The following RRM1 variants were observed in gnomAD, a reference collection of about 807,000 sequenced individuals.
The protein encoded by RRM1 is ribonucleoside-diphosphate reductase large subunit.
In RRM1, 19 loss-of-function variants were observed where a neutral mutation model predicts 101.5. The observed-to-expected ratio is 0.19, with a 90% CI of 0.13 to 0.27. RRM1 has a LOEUF of 0.27. RRM1 is among the 10% of genes least tolerant of loss of function. RRM1 has a pLI of 1.00. For missense variants in RRM1, 500 were observed against 962.9 expected (o/e 0.52, Z 6.36); for synonymous variants, 298 against 323.4 (o/e 0.92, Z 0.84).
chr11:4,136,858 G>A (rs2094611324), intron 18 of RRM1, among the ~76,000 whole-genome samples: 1 of 151,756 alleles, frequency 6.6e-6, no homozygotes, highest in South Asian at 2.1e-4. Context: ...TAGAGGGAGG[G>A]TCAGCAGATA....
intron 1 of RRM1, among the ~76,000 whole-genome samples, chr11:4,100,883 G>A (rs1168695223): frequency 6.6e-6 from 1 of 152,198 alleles, no homozygotes; most frequent in Non-Finnish European, 1.5e-5. Flanking sequence ...CTAAGGTTAA[G>A]GCTGTTTGGT....
chr11:4,104,179 C>T (rs1156353700), intron 2 of RRM1, among the ~76,000 whole-genome samples: 1 of 152,132 alleles, frequency 6.6e-6, no homozygotes, highest in Non-Finnish European at 1.5e-5. Context: ...GTATTTTATT[C>T]TGAGTTCTAA....
chr11:4,101,568 C>CCCCCG (rs1554973359), intron 1 of RRM1, among the ~76,000 whole-genome samples: 1 of 137,982 alleles, frequency 7.2e-6, no homozygotes, highest in African/African-American at 2.8e-5. Flanking sequence ...CACCCCCCCC[C>CCCCCG]GCTCCCTTGG....
At chr11:4,107,309 G>A (rs750701136) in intron 3 of RRM1, 126 bp from the exon 4 acceptor site, 15 of 645,690 alleles carry the variant, frequency 2.3e-5, no homozygotes, top group Non-Finnish European at 3.3e-5. Context: ...CACTTTATAT[G>A]CTAGGCATTG....
intron 5 of RRM1, 54 bp downstream of exon 5, chr11:4,109,757 G>T: frequency 7.0e-7 from 1 of 1,431,818 alleles, no homozygotes; most frequent in Non-Finnish European, 9.7e-7. Flanking sequence ...ATGAAATAAA[G>T]GATTTTGTTT....
chr11:4,101,701 A>T, intron 1 of RRM1, among the ~76,000 whole-genome samples: 1 of 152,126 alleles, frequency 6.6e-6, no homozygotes, highest in East Asian at 1.9e-4. Flanking sequence ...GGAGGTAATG[A>T]TATGATTCTG....
chr11:4,122,743 C>G (rs780091076), intron 11 of RRM1, among the ~76,000 whole-genome samples: 3 of 151,896 alleles, frequency 2.0e-5, no homozygotes. Context: ...CGTGGTGGTG[C>G]ACACCTGTAG....
intron 1 of RRM1, among the ~76,000 whole-genome samples, chr11:4,096,813 T>C (rs754600389): frequency 3.1e-4 from 47 of 152,092 alleles, no homozygotes; most frequent in Admixed American, 1.6e-3. Flanking sequence ...CTTGAGCATC[T>C]ATTTTTTAAA....
Position 4,138,208 on chromosome 11 carries a change from G to C in RRM1, c.2204G>C (p.Gly735Ala). 1.3e-6 allele frequency: 2 copies of C among 1,570,024 alleles called. No individual in the cohort carries two copies. Among genetic ancestry groups the C allele is most frequent in the Non-Finnish European group, 8.7e-7 (1 of 1,145,022 alleles). ...CTTTCCTTGTAGGGTTTGAAGACTG[G>C]GATGTATTATTTAAGGACAAGACCA... Reference protein sequence around the residue: ...FYGWKQGLKTGMYYLRTRPAA... With the variant: ...FYGWKQGLKTAMYYLRTRPAA... Residue 735 changes from glycine to alanine, a missense_variant, in exon 19 of 19, where the codon GGG becomes GCG. By Grantham distance (60) the Gly-to-Ala change is moderately conservative. Around this residue, in one of 9 missense-constraint regions of RRM1, gnomAD observed 79 missense variants for 176.4 expected, o/e 0.45. Coordinates refer to ENST00000300738, the MANE Select transcript of RRM1 (RefSeq NM_001033.5).
chr11:4,116,920 T>A (rs2094574339), intron 7 of RRM1, among the ~76,000 whole-genome samples: 1 of 151,042 alleles, frequency 6.6e-6, no homozygotes, highest in African/African-American at 2.4e-5. Flanking sequence ...TGAGCTATGA[T>A]CATGCCACTG....
rs767354611 is a variant in RRM1, at chr11:4,133,599, C to T, written c.1942C>T (p.Arg648Trp). Reference sequence around the variant, plus strand: ...TCACTTATTGAAAGATCTTACCGAGCGGGGCCTATGGCATGAAGAGATGAA... The same window carrying T: ...TCACTTATTGAAAGATCTTACCGAGTGGGGCCTATGGCATGAAGAGATGAA... ...NPHLLKDLTE[R>W]GLWHEEMKNQ... The change falls in exon 17 of 19, where the codon CGG becomes TGG. Residue 648 changes from arginine to tryptophan, a missense_variant. Arg to Trp is a moderately radical substitution (Grantham distance 101). Coordinates refer to ENST00000300738, the MANE Select transcript of RRM1 (RefSeq NM_001033.5). 33 of 1,610,920 alleles carry T rather than the reference C, an allele frequency of 2.0e-5. No homozygotes were observed. Among genetic ancestry groups the T allele is most frequent in the Admixed American group, 3.3e-5 (2 of 59,744 alleles).
chr11:4,107,311 T>C (rs1409961766), intron 3 of RRM1, 124 bp from the exon 4 acceptor site: 5 of 651,726 alleles, frequency 7.7e-6, no homozygotes, highest in African/African-American at 3.6e-5. Context: ...CTTTATATGC[T>C]AGGCATTGAG....
At chr11:4,096,484 G>A (rs185560883) in intron 1 of RRM1, among the ~76,000 whole-genome samples, 17 of 152,316 alleles carry the variant, frequency 1.1e-4, no homozygotes, top group Non-Finnish European at 2.2e-4. Flanking sequence ...ACAGACAAGA[G>A]TTGGAAAGGT....
intron 9 of RRM1, 172 bp from the exon 10 acceptor site, chr11:4,121,432 A>G: frequency 6.3e-6 from 3 of 473,712 alleles, no homozygotes; most frequent in Non-Finnish European, 1.1e-5. Flanking sequence ...ATTGTAAAAT[A>G]TTACTTTTAC....
At chr11:4,095,079 C>A (rs749101970) in intron 1 of RRM1, 48 bp downstream of exon 1, 3 of 1,549,934 alleles carry the variant, frequency 1.9e-6, no homozygotes, top group Admixed American at 1.9e-5. Context: ...GGGATGCGGG[C>A]TGCCGCCGCC....
In RRM1 at chr11:4,116,834, G is replaced by T. The variant is rs112268991; in HGVS notation, c.651-1486G>T. Among the ~76,000 whole-genome samples the T allele has an allele frequency of 9.7e-4, 148 of 152,108 alleles. 1 individual carries two copies. The highest frequency in any genetic ancestry group is 3.4e-3 in the African/African-American group (140 of 41,502). On this transcript the variant is annotated intron_variant, in intron 7 of 18. Transcript: ENST00000300738. ...AGTAGAAAATTAGCCAGGCGTGGTG[G>T]TGCACACCTGTAGATTTAGCTACTT...
intron 1 of RRM1, among the ~76,000 whole-genome samples, chr11:4,097,945 G>T (rs1190971466): frequency 6.6e-6 from 1 of 152,200 alleles, no homozygotes; most frequent in Non-Finnish European, 1.5e-5. Context: ...GAGAATAGTA[G>T]ATGAGTTTTT....
chr11:4,125,270 C>G (rs2094587824), intron 12 of RRM1, among the ~76,000 whole-genome samples: 1 of 152,034 alleles, frequency 6.6e-6, no homozygotes, highest in South Asian at 2.1e-4. Context: ...GCAGTCACTC[C>G]CTGTTCCCTT....
Position 4,138,432 on chromosome 11 carries a change from T to A in RRM1, c.*49T>A. The A allele has an allele frequency of 6.8e-7, 1 of 1,477,384 alleles. No individual in the cohort carries two copies. The highest frequency in any genetic ancestry group is 2.4e-5 in the East Asian group (1 of 42,350). The allele number at this position is 1,477,384 out of a possible 1,614,324, so 91.5% of individuals were successfully genotyped here. On this transcript the variant is annotated 3_prime_UTR_variant, in exon 19 of 19. Coordinates refer to ENST00000300738, the MANE Select transcript of RRM1 (RefSeq NM_001033.5). ...ATGTCTTCAGTAGCCAAACTACTTC[T>A]TGAGCATAGATAGGTATAGTGGGTT...
Sources: allele counts gnomAD v4.1 joint callset (sites outside exome capture counted in the v4.1 genomes callset), GRCh38; gene constraint gnomAD v4.1.1; regional missense constraint gnomAD v4.1.1; transcripts MANE v1.5; gene names NCBI Gene and HGNC (gene_info 2026-07-23, HGNC 2026-07-21).